Variants in PARD3 observed in about 807,000 individuals in gnomAD.
PARD3 encodes the protein partitioning defective 3 homolog.
A neutral mutation model predicts 155.4 loss-of-function variants in PARD3; 75 were observed. That is an observed-to-expected ratio of 0.48 (90% CI 0.40 to 0.58). PARD3 has a LOEUF of 0.58. PARD3 is among the 20% of genes least tolerant of loss of function. The probability of loss-of-function intolerance (pLI) is 0.00; values close to 1 mark genes in which losing one functional copy is unlikely to be tolerated. For missense variants in PARD3, 1,642 were observed against 1,721.7 expected (o/e 0.95, Z 0.82); for synonymous variants, 576 against 610.5 (o/e 0.94, Z 0.83).
chr10:34,542,181 C>A (rs2083656764), intron 2 of PARD3, among the ~76,000 whole-genome samples: 1 of 149,716 alleles, frequency 6.7e-6, no homozygotes, highest in South Asian at 2.1e-4. Context: ...TGTACACTTA[C>A]AAAGCAGTAA....
rs778709207 is a variant in PARD3 at position 34,401,916 on chromosome 10, T to C, written c.716A>G (p.Asp239Gly). 5.0e-6 allele frequency: 8 copies of C among 1,611,866 alleles called. No individual in the cohort carries two copies. The East Asian group carries it at 1.1e-4, about 22-fold the overall frequency. Residue 239 changes from aspartate to glycine, a missense_variant and splice_region_variant, in exon 6 of 25, where the codon GAT (aspartate) becomes GGT (glycine). Transcript: ENST00000374788. ...GTTATCCTCTTCTGTCCCATCCTCA[T>C]CCTAGAGGCAGCCAACACAAAGAAA... The part of the protein sequence containing the change: ...VGKWLEKQEQ[D>G]EDGTEEDNSR...
rs534031124 is a variant in PARD3 at position 34,461,756 on chromosome 10, T to C, written c.582+8329A>G. 5.3e-5 allele frequency among the ~76,000 whole-genome samples: 8 copies of C among 152,322 alleles called. No individual in the cohort carries two copies. The South Asian group carries it at 1.5e-3, about 28-fold the overall frequency. Reference sequence around the variant, plus strand: ...TCTCCCCTAAGTCAAGACAATCAGGTATAACATATTCATTTCCCTCTGTGA... The same window carrying C: ...TCTCCCCTAAGTCAAGACAATCAGGCATAACATATTCATTTCCCTCTGTGA... On this transcript the variant is annotated intron_variant, in intron 4 of 24. Coordinates refer to ENST00000374788, the MANE Select transcript of PARD3 (RefSeq NM_001184785.2).
chr10:34,163,290 C>G (rs976072881), intron 22 of PARD3, among the ~76,000 whole-genome samples: 2 of 152,056 alleles, frequency 1.3e-5, no homozygotes. Context: ...TGGGAGAAAA[C>G]AATTAGACTA....
intron 2 of PARD3, among the ~76,000 whole-genome samples, chr10:34,688,965 T>G (rs964241587): frequency 6.6e-6 from 1 of 152,202 alleles, no homozygotes; most frequent in Non-Finnish European, 1.5e-5. Flanking sequence ...TGTGGTTTTG[T>G]AACTTAGTGA....
chr10:34,355,924 C>CAAAAAAAAA (rs869284165), intron 14 of PARD3, among the ~76,000 whole-genome samples: 98 of 42,684 alleles, frequency 2.3e-3, no homozygotes, highest in African/African-American at 7.7e-3. Flanking sequence ...CACTCCGTCT[C>CAAAAAAAAA]AAAAAAAAAA....
At chr10:34,494,753 TA>T (rs1415490259) in intron 3 of PARD3, among the ~76,000 whole-genome samples, 14 of 152,206 alleles carry the variant, frequency 9.2e-5, no homozygotes, top group Admixed American at 1.3e-4. Context: ...TAAGTCCTGA[TA>T]TTTTTTTAAT....
chr10:34,624,940 C>A (rs911147947), intron 2 of PARD3, among the ~76,000 whole-genome samples: 5 of 152,212 alleles, frequency 3.3e-5, no homozygotes, highest in African/African-American at 1.2e-4. Flanking sequence ...CAGACCTCAA[C>A]AAGCACATGT....
intron 2 of PARD3, among the ~76,000 whole-genome samples, chr10:34,650,086 G>A (rs993126154): frequency 2.6e-5 from 4 of 152,176 alleles, no homozygotes; most frequent in Admixed American, 2.6e-4. Context: ...CCTGCCTGAA[G>A]CTGTTTTACA....
At chr10:34,137,332 T>G (rs140705389) in intron 22 of PARD3, among the ~76,000 whole-genome samples, 1 of 152,234 alleles carries the variant, frequency 6.6e-6, no homozygotes, top group Non-Finnish European at 1.5e-5. Context: ...CACAGCTGCA[T>G]GGAACACAAT....
chr10:34,399,699 T>C (rs1030281299), intron 6 of PARD3, among the ~76,000 whole-genome samples: 1 of 152,218 alleles, frequency 6.6e-6, no homozygotes, highest in Admixed American at 6.6e-5. Context: ...AACATTTCTC[T>C]TGGACCGACC....
At chr10:34,701,449 G>A (rs1332789601) in intron 1 of PARD3, among the ~76,000 whole-genome samples, 2 of 152,028 alleles carry the variant, frequency 1.3e-5, no homozygotes, top group Admixed American at 1.3e-4. Context: ...AAGCTGAGAA[G>A]CAGATGGCCC....
intron 11 of PARD3, among the ~76,000 whole-genome samples, chr10:34,373,244 C>T (rs910479020): frequency 2.0e-5 from 3 of 151,596 alleles, no homozygotes; most frequent in Admixed American, 6.6e-5. Flanking sequence ...AATAGACTGA[C>T]GGCCTACTGG....
intron 22 of PARD3, among the ~76,000 whole-genome samples, chr10:34,162,549 C>A (rs569756321): frequency 2.0e-4 from 31 of 152,228 alleles, no homozygotes; most frequent in African/African-American, 5.5e-4. Context: ...TTGGCAGTGC[C>A]TACTATGCTA....
chr10:34,202,469 T>C (rs1336403987), intron 22 of PARD3, among the ~76,000 whole-genome samples: 1 of 152,216 alleles, frequency 6.6e-6, no homozygotes, highest in Non-Finnish European at 1.5e-5. Flanking sequence ...TGAGAGCCAC[T>C]CTTTGGAAGA....
chr10:34,657,231 CAAA>C (rs35872932), intron 2 of PARD3, among the ~76,000 whole-genome samples: 1 of 141,238 alleles, frequency 7.1e-6, no homozygotes. Context: ...CCACCTCTAC[CAAA>C]AAAAAAAAAG....
chr10:34,806,069 C>T (rs1843347783), intron 1 of PARD3, among the ~76,000 whole-genome samples: 1 of 151,886 alleles, frequency 6.6e-6, no homozygotes, highest in African/African-American at 2.4e-5. Context: ...CTCGCTGTGT[C>T]ACCCAAGCTG....
intron 20 of PARD3, among the ~76,000 whole-genome samples, chr10:34,308,679 ATGGTT>A (rs1957538987): frequency 6.6e-6 from 1 of 150,744 alleles, no homozygotes; most frequent in Non-Finnish European, 1.5e-5. Context: ...TGTCAAGAAG[ATGGTT>A]AAACTACAAA....
intron 20 of PARD3, chr10:34,312,529 C>T: frequency 1.3e-6 from 1 of 752,834 alleles, no homozygotes; most frequent in South Asian, 1.7e-5. Context: ...TCATTGTGTT[C>T]TGAAAATGAT....
intron 3 of PARD3, among the ~76,000 whole-genome samples, chr10:34,495,499 C>A (rs1234582841): frequency 1.3e-5 from 2 of 152,142 alleles, no homozygotes; most frequent in African/African-American, 4.8e-5. Flanking sequence ...TTAGAGCCAG[C>A]GTGCTCCTGA....
Sources: allele counts gnomAD v4.1 joint callset (sites outside exome capture counted in the v4.1 genomes callset), GRCh38; gene constraint gnomAD v4.1.1; transcripts MANE v1.5; gene names NCBI Gene and HGNC (gene_info 2026-07-23, HGNC 2026-07-21).